The following GHR variants were observed in gnomAD, a reference collection of about 807,000 sequenced individuals.
The protein encoded by GHR is GH receptor.
A neutral mutation model predicts 67.1 loss-of-function variants in GHR; 35 were observed. The ratio of observed to expected loss-of-function variants is 0.52; its 90% CI spans 0.40 to 0.69. The LOEUF (loss-of-function observed/expected upper bound fraction) is 0.69. GHR is among the 30% of genes least tolerant of loss of function. The probability of loss-of-function intolerance (pLI) is 0.00; values close to 1 mark genes in which losing one functional copy is unlikely to be tolerated. For synonymous variants in GHR, 272 were observed against 269.1 expected (o/e 1.01, Z -0.10); for missense variants, 792 against 764.6 (o/e 1.04, Z -0.42).
In GHR at chr5:42,495,807, T is replaced by G. The variant is rs76330898; in HGVS notation, c.-11-70057T>G. On this transcript the variant is annotated intron_variant, in intron 1 of 9. Transcript: ENST00000230882. ...ATGCATTTAGCTCTACAAGTCTCCA[T>G]TATACAAATGATGTTGAATGTTTCA... Among the ~76,000 whole-genome samples the G allele has an allele frequency of 7.8e-3, 1,182 of 152,294 alleles. 12 individuals are homozygous for G. The highest frequency in any genetic ancestry group is 0.027 in the Middle Eastern group (8 of 294).
rs1439664560 is a variant in GHR, at chr5:42,628,933, T to C, written c.71-105T>C. On this transcript the variant is annotated intron_variant, in intron 2 of 9. Coordinates refer to ENST00000230882, the MANE Select transcript of GHR (RefSeq NM_000163.5). ...GTCCCCTTGGCCAAGAAGGGGTCCA[T>C]TCGGTTGGTTTGGGAAGCTGAGGAT... is the stretch of plus-strand genomic sequence containing the variant. 2.1e-5 allele frequency: 15 copies of C among 709,862 alleles called. 3 individuals carry two copies. Among genetic ancestry groups the C allele is most frequent in the Admixed American group, 8.2e-5 (4 of 48,966 alleles). The allele number at this position is 709,862 out of a possible 1,614,324, so 44.0% of individuals were successfully genotyped here. A position where few individuals can be genotyped will look rare whatever the true frequency, so the allele number is the denominator to read the frequency against.
At chr5:42,463,227 G>T (rs1200458184) in intron 1 of GHR, among the ~76,000 whole-genome samples, 1 of 152,170 alleles carries the variant, frequency 6.6e-6, no homozygotes, top group Non-Finnish European at 1.5e-5. Context: ...TTTCTTAGGT[G>T]AAAACTAATC....
At chr5:42,691,779 A>C (rs1226313095) in intron 4 of GHR, among the ~76,000 whole-genome samples, 4 of 151,924 alleles carry the variant, frequency 2.6e-5, no homozygotes, top group African/African-American at 9.7e-5. Flanking sequence ...GCTGGCAGAA[A>C]AGGCAGCCTC....
chr5:42,505,322 C>T (rs895805634), intron 1 of GHR, among the ~76,000 whole-genome samples: 7 of 151,650 alleles, frequency 4.6e-5, no homozygotes, highest in Admixed American at 6.6e-5. Flanking sequence ...CAATTTTTTG[C>T]GCATTTTGCT....
At chr5:42,701,051 A>T (rs1757905555) in intron 6 of GHR, among the ~76,000 whole-genome samples, 1 of 152,166 alleles carries the variant, frequency 6.6e-6, no homozygotes, top group African/African-American at 2.4e-5. Context: ...CACTGTGCTA[A>T]ATGCCTGAGG....
intron 1 of GHR, among the ~76,000 whole-genome samples, chr5:42,508,119 A>G (rs1202871215): frequency 6.6e-6 from 1 of 152,206 alleles, no homozygotes; most frequent in Non-Finnish European, 1.5e-5. Context: ...CCATTTTCTG[A>G]TACTTTCTTC....
chr5:42,429,134 A>G (rs1742980562), intron 1 of GHR, among the ~76,000 whole-genome samples: 2 of 152,250 alleles, frequency 1.3e-5, no homozygotes, highest in Non-Finnish European at 2.9e-5. Context: ...ATGGTCGCAC[A>G]GTTCCACATG....
chr5:42,683,692 G>C (rs1756999624), intron 3 of GHR, among the ~76,000 whole-genome samples: 1 of 152,080 alleles, frequency 6.6e-6, no homozygotes, highest in Non-Finnish European at 1.5e-5. Flanking sequence ...AAAGAAAAGA[G>C]GAAGGTGGAA....
intron 3 of GHR, among the ~76,000 whole-genome samples, chr5:42,681,915 A>C (rs904385407): frequency 8.7e-5 from 13 of 149,470 alleles, no homozygotes; most frequent in African/African-American, 3.0e-4. Flanking sequence ...CAGCCTGGGC[A>C]AAAGGGCAAG....
At chr5:42,502,888 T>C (rs35201696) in intron 1 of GHR, among the ~76,000 whole-genome samples, 1,875 of 151,112 alleles carry the variant, frequency 0.012, 44 homozygotes, top group African/African-American at 0.043. Flanking sequence ...ATTTATGTTT[T>C]CTCCATGTGG....
intron 4 of GHR, 63 bp from the exon 5 acceptor site, chr5:42,694,854 C>T: frequency 8.0e-7 from 1 of 1,252,316 alleles, no homozygotes; most frequent in African/African-American, 1.5e-5. Flanking sequence ...AAGCACCTTA[C>T]TTGGACTTAA....
At chr5:42,577,205 A>T (rs763941728) in intron 2 of GHR, among the ~76,000 whole-genome samples, 7 of 152,204 alleles carry the variant, frequency 4.6e-5, no homozygotes, top group Non-Finnish European at 1.0e-4. Flanking sequence ...TGTTTTGATC[A>T]TACACAGTTT....
intron 1 of GHR, among the ~76,000 whole-genome samples, chr5:42,473,631 C>A (rs1344906118): frequency 6.6e-6 from 1 of 152,150 alleles, no homozygotes; most frequent in African/African-American, 2.4e-5. Context: ...GTAATCCCAG[C>A]ACTTTGGGAG....
chr5:42,442,573 T>C (rs1418368206), intron 1 of GHR, among the ~76,000 whole-genome samples: 2 of 152,094 alleles, frequency 1.3e-5, no homozygotes, highest in African/African-American at 4.8e-5. Flanking sequence ...TAGAGGAAAT[T>C]TGTAATCAAA....
intron 1 of GHR, among the ~76,000 whole-genome samples, chr5:42,521,226 G>A (rs957646442): frequency 5.9e-5 from 9 of 152,136 alleles, no homozygotes; most frequent in Non-Finnish European, 1.2e-4. Context: ...AAGAATCATA[G>A]GCTGTTCTTG....
chr5:42,666,338 G>A (rs1755977368), intron 3 of GHR, among the ~76,000 whole-genome samples: 1 of 152,064 alleles, frequency 6.6e-6, no homozygotes, highest in African/African-American at 2.4e-5. Context: ...TTGACATGTA[G>A]TGAAGCTAAT....
rs377297987 is a variant in GHR at position 42,629,065 on chromosome 5, C to A, written c.98C>A (p.Pro33His). 3.0e-5 allele frequency: 42 copies of A among 1,418,638 alleles called. 8 individuals carry two copies. Among genetic ancestry groups the A allele is most frequent in the Non-Finnish European group, 1.5e-5 (16 of 1,032,990 alleles). 87.9% of individuals were successfully genotyped at this position (1,418,638 alleles called of 1,614,324 possible). A position where few individuals can be genotyped will look rare whatever the true frequency, so the allele number is the denominator to read the frequency against. Residue 33 changes from proline (P) to histidine (H), a missense_variant, in exon 3 of 10, where the codon CCC becomes CAC. By Grantham distance (77) the Pro-to-His change is moderately conservative. Coordinates refer to ENST00000230882, the MANE Select transcript of GHR (RefSeq NM_000163.5). ...ACAGCAGCTATCCTTAGCAGAGCACCCTGGAGTCTGCAAAGTGTTAATCCA... is the reference window on the plus strand; with the variant it reads ...ACAGCAGCTATCCTTAGCAGAGCACACTGGAGTCTGCAAAGTGTTAATCCA... ...EATAAILSRA[P>H]WSLQSVNPGL...
chr5:42,513,040 G>C (rs931707994), intron 1 of GHR, among the ~76,000 whole-genome samples: 2 of 152,130 alleles, frequency 1.3e-5, no homozygotes, highest in South Asian at 2.1e-4. Flanking sequence ...AGAAGTTTAT[G>C]ATTAAAACAC....
rs746777165 is a variant in GHR at position 42,565,844 on chromosome 5, T to C, written c.-11-20T>C. 5.0e-6 allele frequency: 8 copies of C among 1,613,952 alleles called. No individual in the cohort carries two copies. In the South Asian group the frequency reaches 7.7e-5, roughly 16 times the overall value. On this transcript the variant is annotated intron_variant, in intron 1 of 9. Transcript: ENST00000230882. ...TGCTTTTAATTGCTGGGCTTTACCTTACCCTTTTTGTGATTGCAGGTCCTA... is the reference window on the plus strand; with the variant it reads ...TGCTTTTAATTGCTGGGCTTTACCTCACCCTTTTTGTGATTGCAGGTCCTA...
Sources: allele counts gnomAD v4.1 joint callset (sites outside exome capture counted in the v4.1 genomes callset), GRCh38; gene constraint gnomAD v4.1.1; transcripts MANE v1.5; gene names NCBI Gene and HGNC (gene_info 2026-07-23, HGNC 2026-07-21).